Variants in OGDH observed in about 807,000 individuals in gnomAD.
OGDH encodes the protein 2-oxoglutarate dehydrogenase complex component E1.
Under a neutral mutation model 116.6 loss-of-function variants are expected in OGDH, and 38 were observed. The observed-to-expected ratio is 0.33, with a 90% confidence interval of 0.25 to 0.43. The LOEUF is 0.43. OGDH is among the 20% of genes least tolerant of loss of function. The pLI is 1.00. For synonymous variants in OGDH, 488 were observed against 533.3 expected (o/e 0.92, Z 1.17); for missense variants, 825 against 1,357.2 (o/e 0.61, Z 6.16).
intron 9 of OGDH, among the ~76,000 whole-genome samples, chr7:44,677,897 A>G (rs1787768511): frequency 6.6e-6 from 1 of 151,754 alleles, no homozygotes; most frequent in South Asian, 2.1e-4. Context: ...AAAAAAAAGA[A>G]GTGGAACCAA....
chr7:44,616,807 G>GTGTATATATA (rs1562610856), intron 1 of OGDH, among the ~76,000 whole-genome samples: 8 of 127,214 alleles, frequency 6.3e-5, no homozygotes, highest in South Asian at 2.4e-4. Context: ...GTATATATAT[G>GTGTATATATA]CATATATACG....
At chr7:44,634,932 A>G (rs1435106834) in intron 2 of OGDH, among the ~76,000 whole-genome samples, 1 of 152,196 alleles carries the variant, frequency 6.6e-6, no homozygotes, top group Non-Finnish European at 1.5e-5. Flanking sequence ...CCCAATAGGG[A>G]GTACCCTGTT....
rs551916397 is a variant in OGDH, at chr7:44,621,310, A to T, written c.-27-3007A>T. Among the ~76,000 whole-genome samples the T allele has an allele frequency of 2.6e-4, 39 of 152,258 alleles. No individual in the cohort carries two copies. The South Asian group carries it at 8.1e-3, about 32-fold the overall frequency. Reference sequence around the variant, plus strand: ...GCTGGTCTCAAACTCCTGGCCTCAAACAATCCTTAAGCCTTGGCACCCCAA... The same window carrying T: ...GCTGGTCTCAAACTCCTGGCCTCAATCAATCCTTAAGCCTTGGCACCCCAA... On this transcript the variant is annotated intron_variant, in intron 1 of 22. Coordinates refer to ENST00000222673, the MANE Select transcript of OGDH (RefSeq NM_002541.4).
At chr7:44,624,008 G>A (rs1785102738) in intron 1 of OGDH, among the ~76,000 whole-genome samples, 1 of 152,046 alleles carries the variant, frequency 6.6e-6, no homozygotes. Flanking sequence ...CCTTGGGCTC[G>A]CACAGGCATC....
chr7:44,608,979 C>T (rs1042329921), intron 1 of OGDH, among the ~76,000 whole-genome samples: 13 of 152,062 alleles, frequency 8.5e-5, no homozygotes, highest in African/African-American at 3.1e-4. Context: ...ATTCAAGATA[C>T]AGAATATTCC....
rs113756637 is a variant in OGDH, at chr7:44,677,224, C to T, written c.1206+1075C>T. Among the ~76,000 whole-genome samples the T allele has an allele frequency of 7.2e-3, 1,101 of 152,248 alleles. 10 individuals are homozygous for T. The highest frequency in any genetic ancestry group is 0.025 in the African/African-American group (1,040 of 41,540). ...GAAACATATAAAGAAGGCATCACCA[C>T]TTTTCTCTCCAGAGCCTCCTGTTCT... On this transcript the variant is annotated intron_variant, in intron 9 of 22. Transcript: ENST00000222673.
chr7:44,624,171 A>G (rs10245434), intron 1 of OGDH, 146 bp from the exon 2 acceptor site: 278,750 of 613,320 alleles, frequency 0.45, 64,732 homozygotes, highest in East Asian at 0.61. Context: ...AGAGTTGAAC[A>G]TGTTTTGTTT....
chr7:44,619,798 G>A (rs1278778695), intron 1 of OGDH, among the ~76,000 whole-genome samples: 1 of 151,976 alleles, frequency 6.6e-6, no homozygotes, highest in Non-Finnish European at 1.5e-5. Flanking sequence ...TAATTGCTGT[G>A]TTATATGGTG....
At position 44,700,131 on chromosome 7, in the gene OGDH, C is replaced by T; in HGVS notation, c.2431-10C>T. The T allele has an allele frequency of 6.2e-7, 1 of 1,613,938 alleles. No individual in the cohort carries two copies. Among genetic ancestry groups the T allele is most frequent in the Non-Finnish European group, 8.5e-7 (1 of 1,179,856 alleles). On this transcript the variant is annotated splice_polypyrimidine_tract_variant and intron_variant, in intron 18 of 22. Transcript: ENST00000222673. ...GTCCTGGCCTCTGGCCATTTCCTTC[C>T]CTGCTGCAGGACCTTAAAGAAGCCA...
In OGDH at chr7:44,697,504, G is replaced by T. The variant is rs1360016626; in HGVS notation, c.2179+7G>T. The T allele has an allele frequency of 6.2e-7, 1 of 1,613,928 alleles. No homozygotes were observed. The highest frequency in any genetic ancestry group is 8.5e-7 in the Non-Finnish European group (1 of 1,179,920). On this transcript the variant is annotated splice_region_variant and intron_variant, in intron 16 of 22. Coordinates refer to ENST00000222673, the MANE Select transcript of OGDH (RefSeq NM_002541.4). The surrounding 1 kb of genome is among the most constrained non-coding windows in gnomAD (Gnocchi z 6.0). ...TCTGAGTACGGCGTGCTGGGTGAGT[G>T]CCTGGAGCCACACCACCAGGGCCTG...
chr7:44,693,604 T>C (rs1788456323), intron 10 of OGDH, among the ~76,000 whole-genome samples: 2 of 152,230 alleles, frequency 1.3e-5, no homozygotes, highest in African/African-American at 4.8e-5. Flanking sequence ...ATTTAACTTT[T>C]CATACTATGT....
intron 5 of OGDH, among the ~76,000 whole-genome samples, chr7:44,669,774 G>A (rs1029782447): frequency 6.7e-6 from 1 of 148,364 alleles, no homozygotes; most frequent in East Asian, 2.1e-4. Flanking sequence ...AAGGCTGTAT[G>A]CGCTCCTGGC....
At chr7:44,681,983 A>T (rs1562669429) in intron 10 of OGDH, 135 bp downstream of exon 10, 1 of 1,190,526 alleles carries the variant, frequency 8.4e-7, no homozygotes. Context: ...GCAGTGGCTC[A>T]CGCCTGTAAT....
chr7:44,631,330 G>T (rs1321828305), intron 2 of OGDH, among the ~76,000 whole-genome samples: 1 of 152,100 alleles, frequency 6.6e-6, no homozygotes, highest in Non-Finnish European at 1.5e-5. Context: ...ACATGTGTGG[G>T]TTTGTAACAT....
At chr7:44,650,046 G>A (rs1279397560) in intron 4 of OGDH, among the ~76,000 whole-genome samples, 1 of 152,120 alleles carries the variant, frequency 6.6e-6, no homozygotes, top group Non-Finnish European at 1.5e-5. Context: ...GGAGCCCTTT[G>A]GAACCACTGA....
intron 1 of OGDH, among the ~76,000 whole-genome samples, chr7:44,622,220 T>A (rs982872452): frequency 6.6e-6 from 1 of 151,760 alleles, no homozygotes; most frequent in Admixed American, 6.6e-5. Context: ...AAAAAAAAAA[T>A]AGCATAAAAT....
intron 10 of OGDH, among the ~76,000 whole-genome samples, chr7:44,683,134 G>C (rs1329511366): frequency 6.6e-6 from 1 of 152,060 alleles, no homozygotes; most frequent in African/African-American, 2.4e-5. Flanking sequence ...GGATGACAGA[G>C]CAAGACTCTG....
chr7:44,704,436 G>A (rs1374281985), intron 20 of OGDH, among the ~76,000 whole-genome samples: 1 of 151,076 alleles, frequency 6.6e-6, no homozygotes, highest in African/African-American at 2.4e-5. Flanking sequence ...GCCCAGGCTA[G>A]TCTTGAACTC....
At chr7:44,703,746 G>C (rs901656816) in intron 20 of OGDH, among the ~76,000 whole-genome samples, 1 of 150,800 alleles carries the variant, frequency 6.6e-6, no homozygotes. Context: ...CTAGCCGGGG[G>C]TGGTGGCGCA....
Sources: allele counts gnomAD v4.1 joint callset (sites outside exome capture counted in the v4.1 genomes callset), GRCh38; gene constraint gnomAD v4.1.1; non-coding constraint Gnocchi (gnomAD v3.1); transcripts MANE v1.5; gene names NCBI Gene and HGNC (gene_info 2026-07-23, HGNC 2026-07-21).